ZFYVE1: variants seen among roughly 807,000 people sequenced by gnomAD.
ZFYVE1 encodes the protein zinc finger FYVE domain-containing protein 1.
ZFYVE1 carries 30 observed loss-of-function variants against 74.4 expected under a neutral mutation model. The ratio of observed to expected loss-of-function variants is 0.40; its 90% CI spans 0.30 to 0.55. ZFYVE1 has a LOEUF of 0.55. Ranked by LOEUF, ZFYVE1 falls within the 20% of genes least tolerant of loss-of-function variation. ZFYVE1 has a pLI of 0.42. For missense variants in ZFYVE1, 703 were observed against 1,011.6 expected (o/e 0.69, Z 4.14); for synonymous variants, 335 against 385.1 (o/e 0.87, Z 1.52).
chr14:73,009,738 AGAGT>A (rs1894050290), intron 2 of ZFYVE1, among the ~76,000 whole-genome samples: 1 of 152,246 alleles, frequency 6.6e-6, no homozygotes, highest in South Asian at 2.1e-4. Context: ...CCTGGGCAAC[AGAGT>A]GAGACTCCAT....
At chr14:73,017,040 C>G (rs1200408401) in intron 2 of ZFYVE1, among the ~76,000 whole-genome samples, 2 of 152,018 alleles carry the variant, frequency 1.3e-5, no homozygotes, top group Non-Finnish European at 2.9e-5. Flanking sequence ...ACAGTAATCC[C>G]AGCAGTTTGG....
intron 2 of ZFYVE1, among the ~76,000 whole-genome samples, chr14:73,003,827 C>T (rs1308118353): frequency 6.6e-6 from 1 of 152,190 alleles, no homozygotes; most frequent in African/African-American, 2.4e-5. Flanking sequence ...GCTGCAGTGA[C>T]AGTGCCCTTC....
intron 2 of ZFYVE1, among the ~76,000 whole-genome samples, chr14:73,016,382 G>C (rs887402236): frequency 6.6e-6 from 1 of 152,110 alleles, no homozygotes; most frequent in Non-Finnish European, 1.5e-5. Flanking sequence ...GTGGTGGCGG[G>C]CGCCTATAGT....
chr14:72,994,885 T>C (rs1893708778), intron 3 of ZFYVE1, among the ~76,000 whole-genome samples: 1 of 152,194 alleles, frequency 6.6e-6, no homozygotes, highest in South Asian at 2.1e-4. Context: ...TACAATTCTC[T>C]GTACTTTGAA....
chr14:73,004,502 C>G (rs556838639), intron 2 of ZFYVE1, among the ~76,000 whole-genome samples: 1 of 152,192 alleles, frequency 6.6e-6, no homozygotes, highest in African/African-American at 2.4e-5. Flanking sequence ...AAAGAAAACA[C>G]TCCTTGCCTG....
Position 72,969,580 on chromosome 14 carries a change from A to G in ZFYVE1, c.*1302T>C, listed in dbSNP as rs1221798296. ...CGACACACTCCAGGGCTCATGTCACACCGATAGGCGCACCAGGAATGACCG... is the reference window on the plus strand; with the variant it reads ...CGACACACTCCAGGGCTCATGTCACGCCGATAGGCGCACCAGGAATGACCG... On this transcript the variant is annotated 3_prime_UTR_variant, in exon 12 of 12. Transcript: ENST00000556143. 1 of 641,666 alleles carries G rather than the reference A, an allele frequency of 1.6e-6. No homozygotes were observed. Among genetic ancestry groups the G allele is most frequent in the African/African-American group, 1.8e-5 (1 of 55,240 alleles). 39.7% of individuals were successfully genotyped at this position (641,666 alleles called of 1,614,324 possible).
At chr14:73,006,805 T>G (rs1300939292) in intron 2 of ZFYVE1, among the ~76,000 whole-genome samples, 1 of 147,308 alleles carries the variant, frequency 6.8e-6, no homozygotes, top group Admixed American at 6.9e-5. Context: ...AACCTCTGCT[T>G]CCCTGGTTCA....
Position 72,998,065 on chromosome 14 carries a change from T to C in ZFYVE1, c.734A>G (p.Asn245Ser). ...DTEGLLGATV[N>S]LSQRTRLLLK... ...CAGCAGCCGTGTTCTCTGGCTTAGA[T>C]TCACGGTGGCCCCCAGGAGCCCTTC... Residue 245 changes from asparagine to serine, a missense_variant, in exon 3 of 12, where the codon AAT (asparagine) becomes AGT (serine). Asn to Ser is a conservative substitution (Grantham distance 46). This residue lies in a region of ZFYVE1 where 492 missense variants were observed against 790.0 expected (regional missense o/e 0.62). Coordinates refer to ENST00000556143, the MANE Select transcript of ZFYVE1 (RefSeq NM_021260.4). 6.2e-7 allele frequency: 1 copy of C among 1,614,096 alleles called. No homozygotes were observed. Among genetic ancestry groups the C allele is most frequent in the East Asian group, 2.2e-5 (1 of 44,874 alleles).
Position 73,012,546 on chromosome 14 carries a change from C to G in ZFYVE1, c.483+11480G>C, listed in dbSNP as rs1051507210. On this transcript the variant is annotated intron_variant, in intron 2 of 11. Coordinates refer to ENST00000556143, the MANE Select transcript of ZFYVE1 (RefSeq NM_021260.4). ...CTGAGACAGGAGAATTGCTTGAACCCAGGAGGCGGAGGTTGCAGTGAGCTG... is the reference window on the plus strand; with the variant it reads ...CTGAGACAGGAGAATTGCTTGAACCGAGGAGGCGGAGGTTGCAGTGAGCTG... 2.4e-4 allele frequency among the ~76,000 whole-genome samples: 36 copies of G among 152,106 alleles called. 1 individual carries two copies. Among genetic ancestry groups the G allele is most frequent in the African/African-American group, 8.4e-4 (35 of 41,512 alleles).
chr14:73,023,166 ATATAT>A lies in ZFYVE1; in HGVS notation c.483+855_483+859del, dbSNP rs1192186213. 7.9e-4 allele frequency among the ~76,000 whole-genome samples: 96 copies of A among 122,180 alleles called. 8 individuals carry two copies. The highest frequency in any genetic ancestry group is 1.6e-3 in the African/African-American group (51 of 31,668). 80.2% of individuals were successfully genotyped at this position (122,180 alleles called of 152,430 possible). A position where few individuals can be genotyped will look rare whatever the true frequency, so the allele number is the denominator to read the frequency against. On this transcript the variant is annotated intron_variant, in intron 2 of 11. Coordinates refer to ENST00000556143, the MANE Select transcript of ZFYVE1 (RefSeq NM_021260.4). ...ACAGAGCGAAATTCCATCTCAAAAA[ATATAT>A]ATATATATATATATATATATATTTT...
At chr14:72,999,858 G>C (rs10138746) in intron 2 of ZFYVE1, among the ~76,000 whole-genome samples, 16,090 of 152,112 alleles carry the variant, frequency 0.11, 2,023 homozygotes, top group African/African-American at 0.31. Context: ...CCAGGAGTTC[G>C]AGACCAGCCT....
intron 11 of ZFYVE1, 40 bp downstream of exon 11, chr14:72,974,040 C>A (rs1027536228): frequency 6.3e-7 from 1 of 1,594,378 alleles, no homozygotes; most frequent in African/African-American, 1.3e-5. Context: ...ACCCCTCAAC[C>A]CGCATCCACT....
intron 4 of ZFYVE1, among the ~76,000 whole-genome samples, chr14:72,987,362 T>C (rs1893506983): frequency 6.6e-6 from 1 of 151,832 alleles, no homozygotes; most frequent in Non-Finnish European, 1.5e-5. Flanking sequence ...AGCTCAGGAG[T>C]TCAAGACCAG....
chr14:72,978,700 G>T (rs1893245144), intron 6 of ZFYVE1, among the ~76,000 whole-genome samples, 161 bp downstream of exon 6: 2 of 151,678 alleles, frequency 1.3e-5, no homozygotes, highest in African/African-American at 4.8e-5. Context: ...ATGAAGACAT[G>T]TGAGTGCTTT....
Position 72,970,786 on chromosome 14 carries a change from C to T in ZFYVE1, c.*96G>A. 7.5e-7 allele frequency: 1 copy of T among 1,337,032 alleles called. No individual in the cohort carries two copies. The highest frequency in any genetic ancestry group is 1.0e-6 in the Non-Finnish European group (1 of 967,490). The allele number at this position is 1,337,032 out of a possible 1,614,324, so 82.8% of individuals were successfully genotyped here. On this transcript the variant is annotated 3_prime_UTR_variant, in exon 12 of 12. Transcript: ENST00000556143. Reference sequence around the variant, plus strand: ...GGATGCGGAGAGGAGAGGACACACACCACAGCAGGTGACTGGGAGGAGGGC... The same window carrying T: ...GGATGCGGAGAGGAGAGGACACACATCACAGCAGGTGACTGGGAGGAGGGC...
chr14:73,004,200 G>C (rs995922112), intron 2 of ZFYVE1, among the ~76,000 whole-genome samples: 4 of 152,146 alleles, frequency 2.6e-5, no homozygotes, highest in African/African-American at 9.7e-5. Context: ...GCTCCGTAAA[G>C]CTCTACCGGC....
intron 4 of ZFYVE1, among the ~76,000 whole-genome samples, chr14:72,990,300 A>G (rs2535921): frequency 0.99 from 150,255 of 152,194 alleles, 74,197 homozygotes; most frequent in Middle Eastern, 1. Context: ...GCTCAGTATA[A>G]CACAGCCCCT....
chr14:73,005,060 G>A (rs543629053), intron 2 of ZFYVE1, among the ~76,000 whole-genome samples: 18 of 151,230 alleles, frequency 1.2e-4, no homozygotes, highest in Non-Finnish European at 1.8e-4. Context: ...AAACAGATAC[G>A]CAGGAAAATG....
At chr14:72,985,743 A>C (rs1027358595) in intron 4 of ZFYVE1, among the ~76,000 whole-genome samples, 1 of 151,378 alleles carries the variant, frequency 6.6e-6, no homozygotes, top group South Asian at 2.1e-4. Context: ...AATAGCAATT[A>C]TTATTTAAAA....
Sources: gnomAD v4.1 joint callset for allele counts (sites outside exome capture counted in the v4.1 genomes callset) on GRCh38, gnomAD v4.1.1 for gene constraint, gnomAD v4.1.1 regional missense constraint, MANE v1.5 for transcripts, NCBI Gene and HGNC (gene_info 2026-07-23, HGNC 2026-07-21) for gene names.